CDK17: variants seen among roughly 807,000 people sequenced by gnomAD.
CDK17 encodes the protein cyclin dependent kinase 17.
CDK17 carries 24 observed loss-of-function variants against 77.6 expected under a neutral mutation model. The ratio of observed to expected loss-of-function variants is 0.31; its 90% CI spans 0.22 to 0.44. The LOEUF (loss-of-function observed/expected upper bound fraction) is 0.44, where lower values mean the gene tolerates loss of function less well. CDK17 is among the 20% of genes least tolerant of loss of function. The pLI, the probability that CDK17 is intolerant of heterozygous loss-of-function variation, is 1.00. For missense variants in CDK17, 429 were observed against 622.5 expected (o/e 0.69, Z 3.31); for synonymous variants, 203 against 210.4 (o/e 0.96, Z 0.30).
chr12:96,304,203 A>G (rs1461827960), intron 5 of CDK17, among the ~76,000 whole-genome samples: 4 of 152,198 alleles, frequency 2.6e-5, no homozygotes, highest in Admixed American at 6.5e-5. Flanking sequence ...GTATGTACAG[A>G]GGATCCATAG....
chr12:96,377,698 T>G (rs1240277493), intron 1 of CDK17, among the ~76,000 whole-genome samples: 33 of 110,782 alleles, frequency 3.0e-4, no homozygotes, highest in Middle Eastern at 4.3e-3. Flanking sequence ...TTTTTTCGTT[T>G]TTTTTTTTTT....
At chr12:96,283,956 G>C (rs1592702958) in intron 13 of CDK17, among the ~76,000 whole-genome samples, 2 of 152,168 alleles carry the variant, frequency 1.3e-5, no homozygotes, top group Non-Finnish European at 2.9e-5. Flanking sequence ...CTTACATATT[G>C]TATCACTTTT....
At chr12:96,394,723 C>T (rs1954138113) in intron 1 of CDK17, among the ~76,000 whole-genome samples, 1 of 146,408 alleles carries the variant, frequency 6.8e-6, no homozygotes, top group Non-Finnish European at 1.5e-5. Context: ...GAGGCTGAGG[C>T]ACGAGAATAG....
intron 1 of CDK17, among the ~76,000 whole-genome samples, chr12:96,364,938 G>A (rs1170492208): frequency 2.0e-5 from 3 of 152,072 alleles, no homozygotes; most frequent in African/African-American, 7.2e-5. Context: ...GCAGAACTTG[G>A]CAAAAGCATT....
At chr12:96,296,304 A>G (rs1004978996) in intron 9 of CDK17, among the ~76,000 whole-genome samples, 3 of 152,222 alleles carry the variant, frequency 2.0e-5, no homozygotes, top group Non-Finnish European at 4.4e-5. Context: ...AAAATACAAA[A>G]TGACAGTTAT....
At chr12:96,362,578 A>C (rs1041669815) in intron 1 of CDK17, among the ~76,000 whole-genome samples, 5 of 152,174 alleles carry the variant, frequency 3.3e-5, no homozygotes, top group African/African-American at 1.2e-4. Flanking sequence ...GGATTCTCTA[A>C]TATCCTATCT....
At position 96,286,147 on chromosome 12, in the gene CDK17, T is replaced by C. The variant is rs748590720; in HGVS notation, c.1218A>G (p.Gly406=). The stretch of plus-strand genomic sequence containing the variant: ...CTGGCCAAGTTTCCTGAGATGGAGT[T>C]CCTGAATTAAAAAAAAAAATTAAAT... ...DELHLIFRLL[G]TPSQETWPGI... Residue 406 remains glycine, a splice_region_variant and synonymous_variant, in exon 13 of 17, where the codon GGA becomes GGG. Coordinates refer to ENST00000261211, the MANE Select transcript of CDK17 (RefSeq NM_002595.5). The C allele has an allele frequency of 1.6e-6, 2 of 1,218,594 alleles. No individual in the cohort carries two copies. Among genetic ancestry groups the C allele is most frequent in the Non-Finnish European group, 2.2e-6 (2 of 922,094 alleles). The allele number at this position is 1,218,594 out of a possible 1,614,324, so 75.5% of individuals were successfully genotyped here. A position where few individuals can be genotyped will look rare whatever the true frequency, so the allele number is the denominator to read the frequency against.
Position 96,400,081 on chromosome 12 carries a change from G to C in CDK17, c.-125C>G, listed in dbSNP as rs907893326. On this transcript the variant is annotated 5_prime_UTR_variant, in exon 1 of 17. Coordinates refer to ENST00000261211, the MANE Select transcript of CDK17 (RefSeq NM_002595.5). ...GCCCGCGGCGACCGGATGCAAGTCC[G>C]GGTCTCAGCGGCCGGCAGACGTGAG... The C allele has an allele frequency of 2.0e-5, 8 of 390,482 alleles. No individual in the cohort carries two copies. Among genetic ancestry groups the C allele is most frequent in the African/African-American group, 1.2e-4 (6 of 48,208 alleles). 24.2% of individuals were successfully genotyped at this position (390,482 alleles called of 1,614,324 possible).
At position 96,304,532 on chromosome 12, in the gene CDK17, T is replaced by C. The variant is rs528159408; in HGVS notation, c.544-4172A>G. 5.1e-5 allele frequency among the ~76,000 whole-genome samples: 5 copies of C among 97,604 alleles called. No individual in the cohort carries two copies. In the South Asian group the frequency reaches 1.7e-3, roughly 32 times the overall value. The allele number at this position is 97,604 out of a possible 152,430, so 64.0% of individuals were successfully genotyped here. On this transcript the variant is annotated intron_variant, in intron 5 of 16. Transcript: ENST00000261211. ...AGCCTGGCGACAGAGCAAGACTCTG[T>C]CTCAAAAAACAACAAAAAAGAAACA...
rs1952862537 is a variant in CDK17 at position 96,324,169 on chromosome 12, ATG to A, written c.119-59_119-58del. The stretch of plus-strand genomic sequence containing the variant: ...TCATCAGTCCAAGATCCAGGATCAC[ATG>A]AGAAGGATTCAGAAAGCAAAACAAA... On this transcript the variant is annotated intron_variant, in intron 2 of 16. Coordinates refer to ENST00000261211, the MANE Select transcript of CDK17 (RefSeq NM_002595.5). 4 of 1,390,880 alleles carry A rather than the reference ATG, an allele frequency of 2.9e-6. No individual in the cohort carries two copies. In the East Asian group the frequency reaches 9.7e-5, roughly 34 times the overall value. 86.2% of individuals were successfully genotyped at this position (1,390,880 alleles called of 1,614,324 possible).
intron 1 of CDK17, among the ~76,000 whole-genome samples, chr12:96,344,778 C>G (rs979222258): frequency 3.1e-4 from 47 of 152,016 alleles, no homozygotes; most frequent in African/African-American, 1.1e-3. Flanking sequence ...TATTAACGCA[C>G]TTTTGGTTTT....
chr12:96,283,157 A>G (rs1273679703), intron 14 of CDK17, among the ~76,000 whole-genome samples: 1 of 152,192 alleles, frequency 6.6e-6, no homozygotes, highest in African/African-American at 2.4e-5. Flanking sequence ...TTGGAAAGAA[A>G]CCTTGTAGGG....
At chr12:96,312,665 A>AT (rs946120702) in intron 4 of CDK17, among the ~76,000 whole-genome samples, 13 of 151,322 alleles carry the variant, frequency 8.6e-5, no homozygotes, top group South Asian at 4.2e-4. Flanking sequence ...AACATGTTCA[A>AT]TTTTTTTTTG....
chr12:96,284,689 C>T (rs1459777430), intron 13 of CDK17, among the ~76,000 whole-genome samples: 2 of 151,180 alleles, frequency 1.3e-5, no homozygotes, highest in Non-Finnish European at 3.0e-5. Context: ...CTCAGCCTCC[C>T]GAGTAGCTAG....
intron 3 of CDK17, among the ~76,000 whole-genome samples, chr12:96,315,173 TTATAAG>T (rs1952694363): frequency 1.3e-5 from 2 of 152,352 alleles, no homozygotes; most frequent in African/African-American, 2.4e-5. Flanking sequence ...CAATTGTATT[TTATAAG>T]TATAAATGTT....
chr12:96,331,088 G>A (rs900136684), intron 2 of CDK17, among the ~76,000 whole-genome samples: 10 of 152,100 alleles, frequency 6.6e-5, no homozygotes, highest in African/African-American at 9.7e-5. Flanking sequence ...GACTACAGGC[G>A]TGCGCCACCA....
intron 1 of CDK17, among the ~76,000 whole-genome samples, chr12:96,379,500 G>A (rs1378620711): frequency 6.6e-6 from 1 of 151,766 alleles, no homozygotes; most frequent in Non-Finnish European, 1.5e-5. Context: ...ATAGCTCACT[G>A]CAACCTCAAA....
At chr12:96,355,674 G>C (rs558457098) in intron 1 of CDK17, among the ~76,000 whole-genome samples, 2 of 152,090 alleles carry the variant, frequency 1.3e-5, no homozygotes, top group Non-Finnish European at 2.9e-5. Context: ...CCAAAGTGCT[G>C]GGATTACAGG....
chr12:96,350,719 C>G (rs1220921280), intron 1 of CDK17, among the ~76,000 whole-genome samples: 2 of 152,026 alleles, frequency 1.3e-5, no homozygotes, highest in African/African-American at 2.4e-5. Context: ...CAAGAGTTAA[C>G]TGAAAATGAA....
Sources: gnomAD v4.1 joint callset for allele counts (sites outside exome capture counted in the v4.1 genomes callset) on GRCh38, gnomAD v4.1.1 for gene constraint, MANE v1.5 for transcripts, NCBI Gene and HGNC (gene_info 2026-07-23, HGNC 2026-07-21) for gene names.